ABI3BP: variants seen among roughly 807,000 people sequenced by gnomAD.
The protein encoded by ABI3BP is target of Nesh-SH3.
Under a neutral mutation model 268.6 loss-of-function variants are expected in ABI3BP, and 216 were observed. The observed-to-expected ratio is 0.80, with a 90% confidence interval of 0.72 to 0.90. ABI3BP has a LOEUF of 0.90. Ranked by LOEUF, ABI3BP falls within the 40% of genes least tolerant of loss-of-function variation. ABI3BP has a pLI of 0.00. For missense variants in ABI3BP, 2,090 were observed against 2,182.4 expected, an observed-to-expected ratio of 0.96 and a Z score of 0.84; for synonymous variants, 730 against 730.0, an observed-to-expected ratio of 1.00 and a Z score of 0.00.
At chr3:100,800,640 G>T (rs1201492884) in intron 51 of ABI3BP, among the ~76,000 whole-genome samples, 1 of 152,108 alleles carries the variant, frequency 6.6e-6, no homozygotes, top group Non-Finnish European at 1.5e-5. Flanking sequence ...ACCATGCCCG[G>T]CTAATTTTTT....
intron 51 of ABI3BP, 50 bp from the exon 52 acceptor site, chr3:100,796,518 G>C (rs1401210316): frequency 3.6e-6 from 5 of 1,397,396 alleles, no homozygotes; most frequent in Non-Finnish European, 4.9e-6. Flanking sequence ...AACCCAACTG[G>C]AGTGAGCTTA....
intron 21 of ABI3BP, among the ~76,000 whole-genome samples, chr3:100,841,211 T>TG (rs1560680360): frequency 5.8e-5 from 8 of 138,916 alleles, no homozygotes; most frequent in Admixed American, 1.5e-4. Flanking sequence ...TTTTTTTTTT[T>TG]TTTTTTTTTT....
intron 1 of ABI3BP, among the ~76,000 whole-genome samples, chr3:100,992,806 T>A (rs955593015): frequency 6.6e-6 from 1 of 152,192 alleles, no homozygotes; most frequent in Non-Finnish European, 1.5e-5. Flanking sequence ...TGTCTGCAAA[T>A]CAGCACATGA....
At chr3:100,903,615 C>A (rs1347868350) in intron 2 of ABI3BP, among the ~76,000 whole-genome samples, 3 of 152,198 alleles carry the variant, frequency 2.0e-5, no homozygotes, top group Admixed American at 2.0e-4. Context: ...CTTACTCAGG[C>A]AGACTTCATA....
chr3:100,962,853 C>T (rs912798215), intron 1 of ABI3BP, among the ~76,000 whole-genome samples: 2 of 152,114 alleles, frequency 1.3e-5, no homozygotes, highest in Admixed American at 6.6e-5. Context: ...TACACACTGA[C>T]AGCTCCTGAA....
chr3:100,758,176 CAT>C (rs1158168162), intron 63 of ABI3BP, among the ~76,000 whole-genome samples: 1 of 152,080 alleles, frequency 6.6e-6, no homozygotes, highest in African/African-American at 2.4e-5. Flanking sequence ...GCGTTAAAAA[CAT>C]GGGTTCTAGA....
chr3:100,851,310 A>T (rs1229930967), intron 15 of ABI3BP, among the ~76,000 whole-genome samples: 2 of 152,210 alleles, frequency 1.3e-5, no homozygotes, highest in African/African-American at 4.8e-5. Flanking sequence ...GCTACAGCCG[A>T]ATGAATTATG....
intron 63 of ABI3BP, among the ~76,000 whole-genome samples, chr3:100,764,671 A>G (rs1012392712): frequency 6.6e-6 from 1 of 152,214 alleles, no homozygotes; most frequent in African/African-American, 2.4e-5. Flanking sequence ...CAACTTTCAT[A>G]AGCACAAATT....
In ABI3BP at chr3:100,768,326, A is replaced by G. The variant is rs57880779; in HGVS notation, c.4742-2377T>C. On this transcript the variant is annotated intron_variant, in intron 62 of 67. Coordinates refer to ENST00000471714, the MANE Select transcript of ABI3BP (RefSeq NM_001375547.2). ...GATGATCTTGATCTCCTGACCTCGT[A>G]ATCCGCCCACCTCAGCCTCCCAGAG... Among the ~76,000 whole-genome samples the G allele has an allele frequency of 5.5e-3, 837 of 152,024 alleles. 8 individuals are homozygous for G. The highest frequency in any genetic ancestry group is 0.018 in the African/African-American group (758 of 41,486).
intron 1 of ABI3BP, among the ~76,000 whole-genome samples, chr3:100,960,765 G>A (rs73144908): frequency 0.14 from 21,290 of 152,190 alleles, 1,578 homozygotes; most frequent in Middle Eastern, 0.2. Context: ...AGCTGAAAAT[G>A]ACTTCCAGCC....
Position 100,880,974 on chromosome 3 carries a change from A to G in ABI3BP, c.697-4414T>C, listed in dbSNP as rs78278416. 9.4e-3 allele frequency among the ~76,000 whole-genome samples: 1,433 copies of G among 152,236 alleles called. 20 individuals carry two copies. The highest frequency in any genetic ancestry group is 0.032 in the African/African-American group (1,325 of 41,514). ...AACAGTGGCTCAAAGTCAAATTTCA[A>G]TGACTCAAGAGTCAAACCACATGAG... On this transcript the variant is annotated intron_variant, in intron 6 of 67. Transcript: ENST00000471714.
chr3:100,888,653 T>C (rs1029814377), intron 4 of ABI3BP, among the ~76,000 whole-genome samples: 2 of 152,134 alleles, frequency 1.3e-5, no homozygotes, highest in Non-Finnish European at 2.9e-5. Context: ...ATCTTTTCCA[T>C]TTTGATCACA....
chr3:100,862,053 C>G (rs929882616), intron 14 of ABI3BP, among the ~76,000 whole-genome samples: 2 of 152,118 alleles, frequency 1.3e-5, no homozygotes, highest in African/African-American at 4.8e-5. Context: ...ATCAATGAGC[C>G]AATTCATAGT....
chr3:100,768,698 GATT>G (rs557743656), intron 62 of ABI3BP, among the ~76,000 whole-genome samples: 1 of 151,922 alleles, frequency 6.6e-6, no homozygotes, highest in Non-Finnish European at 1.5e-5. Flanking sequence ...TAACAATGAG[GATT>G]ATTATTATTA....
At chr3:100,756,942 A>G (rs1171825360) in intron 63 of ABI3BP, among the ~76,000 whole-genome samples, 3 of 151,962 alleles carry the variant, frequency 2.0e-5, no homozygotes, top group Non-Finnish European at 2.9e-5. Flanking sequence ...TTTTTTCTGA[A>G]GAAGCACATT....
At chr3:100,760,241 A>T (rs1464303262) in intron 63 of ABI3BP, among the ~76,000 whole-genome samples, 1 of 152,234 alleles carries the variant, frequency 6.6e-6, no homozygotes, top group Non-Finnish European at 1.5e-5. Context: ...TACATTTTCC[A>T]TAGGAAATTA....
At chr3:100,877,204 A>G (rs1422636689) in intron 6 of ABI3BP, among the ~76,000 whole-genome samples, 3 of 152,178 alleles carry the variant, frequency 2.0e-5, no homozygotes, top group Admixed American at 1.3e-4. Flanking sequence ...GACACCGCCA[A>G]ATTGTTTTTA....
chr3:100,943,522 T>A (rs1400152632), intron 1 of ABI3BP, among the ~76,000 whole-genome samples: 2 of 152,134 alleles, frequency 1.3e-5, no homozygotes, highest in Non-Finnish European at 2.9e-5. Context: ...AATATCATCA[T>A]CAACCCAGAA....
At chr3:100,805,377 C>T (rs549793779) in intron 50 of ABI3BP, among the ~76,000 whole-genome samples, 2 of 152,158 alleles carry the variant, frequency 1.3e-5, no homozygotes, top group Non-Finnish European at 2.9e-5. Context: ...ACCCGCCCTG[C>T]ATTTCTCTGG....
Sources: gnomAD v4.1 joint callset for allele counts (sites outside exome capture counted in the v4.1 genomes callset) on GRCh38, gnomAD v4.1.1 for gene constraint, MANE v1.5 for transcripts, NCBI Gene and HGNC (gene_info 2026-07-23, HGNC 2026-07-21) for gene names.